TSNARE1: variants seen among roughly 807,000 people sequenced by gnomAD.
The protein encoded by TSNARE1 is t-SNARE domain containing 1.
TSNARE1 carries 49 observed loss-of-function variants against 62.0 expected under a neutral mutation model. That is an observed-to-expected ratio of 0.79 (90% CI 0.63 to 1.00). TSNARE1 has a LOEUF of 1.00. Ranked by LOEUF, TSNARE1 falls within the 50% of genes least tolerant of loss-of-function variation. The probability of loss-of-function intolerance (pLI) is 0.00; values close to 1 mark genes in which losing one functional copy is unlikely to be tolerated. For missense variants in TSNARE1, 755 were observed against 700.1 expected, an observed-to-expected ratio of 1.08 and a Z score of -0.88; for synonymous variants, 328 against 294.4, an observed-to-expected ratio of 1.11 and a Z score of -1.17.
chr8:142,249,829 C>T (rs751235434), intron 12 of TSNARE1, among the ~76,000 whole-genome samples: 4 of 152,242 alleles, frequency 2.6e-5, no homozygotes, highest in African/African-American at 4.8e-5. Flanking sequence ...GAGCTGGGGT[C>T]CCAGAGTGGG....
At chr8:142,240,453 G>C (rs1031074676) in intron 12 of TSNARE1, among the ~76,000 whole-genome samples, 2 of 151,840 alleles carry the variant, frequency 1.3e-5, no homozygotes. Flanking sequence ...AGACCAAAAA[G>C]AGGTAAAAAT....
intron 11 of TSNARE1, chr8:142,278,888 T>A (rs1459691631): frequency 2.5e-6 from 2 of 804,240 alleles, no homozygotes; most frequent in East Asian, 1.3e-4. Context: ...AGAGTCAAGC[T>A]GGGGCCCAGG....
At chr8:142,253,247 G>T (rs941644924) in intron 12 of TSNARE1, among the ~76,000 whole-genome samples, 1 of 152,154 alleles carries the variant, frequency 6.6e-6, no homozygotes, top group Admixed American at 6.5e-5. Flanking sequence ...TGACGGCGGT[G>T]CCTGCAGAAG....
chr8:142,363,723 C>G (rs1835326398), intron 1 of TSNARE1, among the ~76,000 whole-genome samples: 1 of 152,224 alleles, frequency 6.6e-6, no homozygotes, highest in Admixed American at 6.5e-5. Flanking sequence ...CTACTGCCCA[C>G]TGCCCACAGA....
intron 1 of TSNARE1, among the ~76,000 whole-genome samples, chr8:142,366,530 A>G (rs1374688531): frequency 6.6e-6 from 1 of 152,218 alleles, no homozygotes; most frequent in Non-Finnish European, 1.5e-5. Flanking sequence ...TTAACCTAAG[A>G]GACCTACAGG....
At chr8:142,226,569 C>T (rs73362779) in intron 13 of TSNARE1, among the ~76,000 whole-genome samples, 12,140 of 152,184 alleles carry the variant, frequency 0.08, 1,307 homozygotes, top group African/African-American at 0.24. Context: ...CCAGACTCCA[C>T]ACTCAGAGCC....
chr8:142,225,841 T>C (rs1816746762), intron 13 of TSNARE1, among the ~76,000 whole-genome samples: 2 of 152,324 alleles, frequency 1.3e-5, no homozygotes, highest in South Asian at 4.1e-4. Context: ...CCATGTGTTC[T>C]CTCATAGCCC....
chr8:142,213,962 C>A (rs957963293), intron 13 of TSNARE1, among the ~76,000 whole-genome samples: 3 of 151,746 alleles, frequency 2.0e-5, no homozygotes, highest in East Asian at 1.9e-4. Flanking sequence ...CAGAGCCAGC[C>A]CCCCCGGGAA....
At chr8:142,335,293 C>T (rs948962180) in intron 4 of TSNARE1, among the ~76,000 whole-genome samples, 1 of 151,066 alleles carries the variant, frequency 6.6e-6, no homozygotes, top group South Asian at 2.1e-4. Context: ...TATAAATGAC[C>T]CGTGGTCCTG....
At chr8:142,379,652 C>A (rs962091194) in intron 1 of TSNARE1, among the ~76,000 whole-genome samples, 7 of 152,328 alleles carry the variant, frequency 4.6e-5, no homozygotes, top group Non-Finnish European at 7.3e-5. Flanking sequence ...CGAGACCACA[C>A]AAAGGAGAAG....
intron 13 of TSNARE1, among the ~76,000 whole-genome samples, chr8:142,215,538 C>T (rs1008469346): frequency 1.3e-5 from 2 of 152,206 alleles, no homozygotes; most frequent in African/African-American, 4.8e-5. Context: ...TCCCCACACA[C>T]ACTCTGTCCA....
intron 1 of TSNARE1, among the ~76,000 whole-genome samples, chr8:142,376,601 G>A (rs971529917): frequency 6.6e-6 from 1 of 152,204 alleles, no homozygotes; most frequent in African/African-American, 2.4e-5. Context: ...CCTTCAGAGT[G>A]ATGGGAAATG....
intron 2 of TSNARE1, among the ~76,000 whole-genome samples, chr8:142,351,006 T>C (rs1228935253): frequency 6.6e-6 from 1 of 152,216 alleles, no homozygotes; most frequent in Non-Finnish European, 1.5e-5. Context: ...AAACGTGCTG[T>C]CACAGTGGAA....
intron 9 of TSNARE1, among the ~76,000 whole-genome samples, chr8:142,301,027 C>T (rs1294533908): frequency 1.2e-5 from 1 of 82,194 alleles, no homozygotes; most frequent in African/African-American, 5.2e-5. Context: ...GAAAACGCGA[C>T]AACAGCGGTG....
At chr8:142,398,450 C>T (rs1456331273) in intron 1 of TSNARE1, among the ~76,000 whole-genome samples, 2 of 152,098 alleles carry the variant, frequency 1.3e-5, no homozygotes, top group African/African-American at 4.8e-5. Flanking sequence ...AAAGCACAAC[C>T]CCAGCAGAGT....
At chr8:142,339,836 CCGTACAGCGCCCT>C (rs1411111645) in intron 4 of TSNARE1, among the ~76,000 whole-genome samples, 15 of 152,390 alleles carry the variant, frequency 9.8e-5, no homozygotes, top group African/African-American at 3.6e-4. Flanking sequence ...AGCGGCCCTG[CCGTACAGCGCCCT>C]CCTCCTCTGC....
At chr8:142,341,589 G>A (rs1423183587) in intron 4 of TSNARE1, among the ~76,000 whole-genome samples, 1 of 152,182 alleles carries the variant, frequency 6.6e-6, no homozygotes, top group Non-Finnish European at 1.5e-5. Flanking sequence ...CACAGGCTAG[G>A]ACAGCACAAG....
chr8:142,270,354 C>T, intron 12 of TSNARE1: 2 of 985,440 alleles, frequency 2.0e-6, no homozygotes, highest in Non-Finnish European at 2.4e-6. Flanking sequence ...AACTCACGTG[C>T]TCGTCAGCAG....
At chr8:142,314,050 A>C (rs555500195) in intron 9 of TSNARE1, among the ~76,000 whole-genome samples, 1 of 151,736 alleles carries the variant, frequency 6.6e-6, no homozygotes, top group East Asian at 1.9e-4. Flanking sequence ...CAGTGCTGGG[A>C]CTCCAGGCGT....
Sources: allele counts gnomAD v4.1 joint callset (sites outside exome capture counted in the v4.1 genomes callset), GRCh38; gene constraint gnomAD v4.1.1; transcripts MANE v1.5; gene names NCBI Gene and HGNC (gene_info 2026-07-23, HGNC 2026-07-21).